EVC2: variants seen among roughly 807,000 people sequenced by gnomAD.
EVC2 encodes the protein EvC ciliary complex subunit 2, also known as limbin.
Under a neutral mutation model 149.3 loss-of-function variants are expected in EVC2, and 148 were observed. That is an observed-to-expected ratio of 0.99 (90% CI 0.87 to 1.14). The LOEUF (loss-of-function observed/expected upper bound fraction) is 1.14, where lower values mean the gene tolerates loss of function less well. Ranked by LOEUF, EVC2 falls within the 50% of genes most tolerant of loss-of-function variation. EVC2 has a pLI of 0.00. For missense variants in EVC2, 1,854 were observed against 1,627.3 expected, an observed-to-expected ratio of 1.14 and a Z score of -2.40; for synonymous variants, 776 against 649.9, an observed-to-expected ratio of 1.19 and a Z score of -2.95.
At position 5,625,622 on chromosome 4, in the gene EVC2, C is replaced by G. The variant is rs1716049953; in HGVS notation, c.2046+127G>C. The G allele has an allele frequency of 1.6e-6, 2 of 1,254,526 alleles. No individual in the cohort carries two copies. The highest frequency in any genetic ancestry group is 2.6e-5 in the South Asian group (2 of 76,646). The allele number at this position is 1,254,526 out of a possible 1,614,324, so 77.7% of individuals were successfully genotyped here. A position where few individuals can be genotyped will look rare whatever the true frequency, so the allele number is the denominator to read the frequency against. ...TACCAATCAACAGTAGATGGCACAT[C>G]ATGGTGCCTGCCCAGCTGCCCTTCT... On this transcript the variant is annotated intron_variant, in intron 13 of 21. Coordinates refer to ENST00000344408, the MANE Select transcript of EVC2 (RefSeq NM_147127.5). This position sits in a 1 kb window ranked among gnomAD's most constrained non-coding sequence, Gnocchi z 4.0.
intron 9 of EVC2, among the ~76,000 whole-genome samples, chr4:5,653,079 T>C (rs1406087636): frequency 6.6e-6 from 1 of 152,188 alleles, no homozygotes; most frequent in African/African-American, 2.4e-5. Flanking sequence ...AGCTGCATCA[T>C]TTCAGTGTGT....
chr4:5,554,000 ACATATGCATTGC>A (rs1305497819), intron 21 of EVC2, among the ~76,000 whole-genome samples: 2 of 152,210 alleles, frequency 1.3e-5, no homozygotes, highest in Non-Finnish European at 2.9e-5. Context: ...TTGCAACAAC[ACATATGCATTGC>A]CATATACCAA....
intron 9 of EVC2, among the ~76,000 whole-genome samples, chr4:5,651,259 G>A (rs994805373): frequency 1.3e-5 from 2 of 152,056 alleles, no homozygotes; most frequent in Non-Finnish European, 2.9e-5. Flanking sequence ...TAGATGGGTG[G>A]GTGGATGGAT....
At chr4:5,534,586 G>A in the EVC2 span, among the ~76,000 whole-genome samples, 1 of 152,158 alleles carries the variant, frequency 6.6e-6, no homozygotes, top group Non-Finnish European at 1.5e-5. Flanking sequence ...CTTGTTACGG[G>A]AAAATAATAA....
Position 5,670,748 on chromosome 4 carries a change from CCA to C in EVC2, c.871-5101_871-5100del, listed in dbSNP as rs1405847028. 1.3e-5 allele frequency among the ~76,000 whole-genome samples: 2 copies of C among 151,166 alleles called. No homozygotes were observed. Among genetic ancestry groups the C allele is most frequent in the Non-Finnish European group, 2.9e-5 (2 of 67,898 alleles). ...ATCATCTTCACCATCACCATCAACG[CCA>C]TCATCAGCAGCATCGCCATCAAATT... On this transcript the variant is annotated intron_variant, in intron 7 of 21. Coordinates refer to ENST00000344408, the MANE Select transcript of EVC2 (RefSeq NM_147127.5). This position sits in a 1 kb window ranked among gnomAD's most constrained non-coding sequence, Gnocchi z 5.2.
At position 5,677,165 on chromosome 4, in the gene EVC2, C is replaced by T. The variant is rs1454073772; in HGVS notation, c.870+4095G>A. Among the ~76,000 whole-genome samples the T allele has an allele frequency of 6.6e-6, 1 of 152,118 alleles. No individual in the cohort carries two copies. The highest frequency in any genetic ancestry group is 1.5e-5 in the Non-Finnish European group (1 of 68,026). On this transcript the variant is annotated intron_variant, in intron 7 of 21. Transcript: ENST00000344408. The surrounding 1 kb of genome is among the most constrained non-coding windows in gnomAD (Gnocchi z 4.3). ...GGCACTGTGCTGAGTACTTTACAGC[C>T]CTTGATCCATTTACCTCAACAACCA...
At position 5,568,457 on chromosome 4, in the gene EVC2, C is replaced by A. The variant is rs144511301; in HGVS notation, c.3544G>T (p.Val1182Leu). 189 of 1,561,808 alleles carry A rather than the reference C, an allele frequency of 1.2e-4. 1 individual carries two copies. The highest frequency in any genetic ancestry group is 1.4e-4 in the Non-Finnish European group (164 of 1,160,784). The stretch of plus-strand genomic sequence containing the variant: ...CACGGCACTCACCTCCGCCTGCCCA[C>A]GTCGGCCTGCTCCGCTCCGCCATCG... ...ESDGGAEQAD[V>L]GRRRKHQSWW... The change falls in exon 20 of 22, where the codon GTG (valine) becomes TTG (leucine). Residue 1182 changes from valine to leucine, a missense_variant. Coordinates refer to ENST00000344408, the MANE Select transcript of EVC2 (RefSeq NM_147127.5).
chr4:5,560,756 C>T (rs1721926961), downstream of EVC2, among the ~76,000 whole-genome samples: 1 of 152,186 alleles, frequency 6.6e-6, no homozygotes, highest in Non-Finnish European at 1.5e-5. This position sits in a 1 kb window ranked among gnomAD's most constrained non-coding sequence, Gnocchi z 4.1. Flanking sequence ...CTAGTATCTT[C>T]ACTCTTTACA....
At chr4:5,548,829 T>A (rs575910635) in intron 21 of EVC2, among the ~76,000 whole-genome samples, 142 of 152,168 alleles carry the variant, frequency 9.3e-4, no homozygotes, top group Non-Finnish European at 1.7e-3. Context: ...AAAGGAAAAA[T>A]AAAAGAAAAT....
At chr4:5,703,331 T>C (rs1442641309) in intron 1 of EVC2, among the ~76,000 whole-genome samples, 1 of 152,196 alleles carries the variant, frequency 6.6e-6, no homozygotes, top group Non-Finnish European at 1.5e-5. Context: ...AACTATAAAA[T>C]CGCCACTTTG....
chr4:5,586,943 T>C (rs1712336839), intron 16 of EVC2, among the ~76,000 whole-genome samples: 2 of 152,208 alleles, frequency 1.3e-5, no homozygotes, highest in Admixed American at 6.5e-5. Flanking sequence ...TCTAAACTGA[T>C]TGAGATCTGT....
rs1412502653 is a variant in EVC2 at position 5,614,752 on chromosome 4, C to T, written c.2829+670G>A. Among the ~76,000 whole-genome samples the T allele has an allele frequency of 1.3e-5, 2 of 151,954 alleles. No individual in the cohort carries two copies. The highest frequency in any genetic ancestry group is 2.1e-4 in the South Asian group (1 of 4,812). ...CAGCACTTTGGGAAGCTGAGGTGGG[C>T]GGATCACCTGAAGTCAGGAGTTTGA... On this transcript the variant is annotated intron_variant, in intron 16 of 21. Coordinates refer to ENST00000344408, the MANE Select transcript of EVC2 (RefSeq NM_147127.5). The surrounding 1 kb of genome is among the most constrained non-coding windows in gnomAD (Gnocchi z 4.7).
intron 9 of EVC2, among the ~76,000 whole-genome samples, chr4:5,661,458 T>A (rs1199817039): frequency 6.6e-6 from 1 of 152,152 alleles, no homozygotes; most frequent in Non-Finnish European, 1.5e-5. Flanking sequence ...CACAGAGATA[T>A]GAGACAAGAA....
At chr4:5,644,602 C>T (rs901148456) in intron 9 of EVC2, among the ~76,000 whole-genome samples, 3 of 152,158 alleles carry the variant, frequency 2.0e-5, no homozygotes, top group African/African-American at 7.2e-5. Context: ...CGTGTCTGGC[C>T]ACCATCTTTT....
chr4:5,597,313 C>T (rs966547671), intron 16 of EVC2, among the ~76,000 whole-genome samples: 9 of 152,186 alleles, frequency 5.9e-5, no homozygotes, highest in African/African-American at 1.7e-4. Flanking sequence ...ATGCAAAAAT[C>T]CTCAGTAAAA....
intron 9 of EVC2, among the ~76,000 whole-genome samples, chr4:5,659,003 T>C (rs1166988229): frequency 1.3e-5 from 2 of 152,058 alleles, no homozygotes; most frequent in African/African-American, 2.4e-5. Flanking sequence ...AGGAGCCTGA[T>C]AAAAATCAAA....
intron 17 of EVC2, among the ~76,000 whole-genome samples, chr4:5,583,822 T>C (rs999047612): frequency 2.0e-5 from 3 of 151,888 alleles, no homozygotes; most frequent in African/African-American, 7.2e-5. Context: ...GTAGTTTTGT[T>C]TTTTATTTTG....
At position 5,665,600 on chromosome 4, in the gene EVC2, A is replaced by T; in HGVS notation, c.920T>A (p.Leu307His). Residue 307 changes from leucine (L) to histidine (H), a missense_variant, in exon 8 of 22, where the codon CTC (leucine) becomes CAC (histidine). Coordinates refer to ENST00000344408, the MANE Select transcript of EVC2 (RefSeq NM_147127.5). ...AGCCCAGGTCAGCACAAGGGAGAGGAGGAAGGCAATGAAGAACCCTGCTGC... is the reference window on the plus strand; with the variant it reads ...AGCCCAGGTCAGCACAAGGGAGAGGTGGAAGGCAATGAAGAACCCTGCTGC... ...LHAAGFFIAFLLSLVLTWAAL... is the reference protein window; with the variant it reads ...LHAAGFFIAFHLSLVLTWAAL... 1 of 1,614,218 alleles carries T rather than the reference A, an allele frequency of 6.2e-7. No individual in the cohort carries two copies. Among genetic ancestry groups the T allele is most frequent in the Non-Finnish European group, 8.5e-7 (1 of 1,180,038 alleles).
intron 9 of EVC2, among the ~76,000 whole-genome samples, chr4:5,650,669 A>AGAGAGAGAGC (rs1384318671): frequency 7.2e-6 from 1 of 139,626 alleles, no homozygotes; most frequent in African/African-American, 2.7e-5. Context: ...AGAGAGAGAG[A>AGAGAGAGAGC]GAGCCATTTA....
Sources: gnomAD v4.1 joint callset for allele counts (sites outside exome capture counted in the v4.1 genomes callset) on GRCh38, gnomAD v4.1.1 for gene constraint, Gnocchi (gnomAD v3.1) non-coding constraint, MANE v1.5 for transcripts, NCBI Gene and HGNC (gene_info 2026-07-23, HGNC 2026-07-21) for gene names.